Variants in MPRIP observed in about 807,000 individuals in gnomAD.
MPRIP encodes myosin phosphatase Rho interacting protein.
A neutral mutation model predicts 234.9 loss-of-function variants in MPRIP; 59 were observed. That is an observed-to-expected ratio of 0.25 (90% CI 0.20 to 0.31). MPRIP has a LOEUF of 0.31. Ranked by LOEUF, MPRIP falls within the 10% of genes least tolerant of loss-of-function variation. The probability of loss-of-function intolerance (pLI) is 1.00; values close to 1 mark genes in which losing one functional copy is unlikely to be tolerated. For synonymous variants in MPRIP, 1,144 were observed against 1,263.9 expected, an observed-to-expected ratio of 0.91 and a Z score of 2.01; for missense variants, 2,436 against 3,071.0, an observed-to-expected ratio of 0.79 and a Z score of 4.89.
intron 3 of MPRIP, among the ~76,000 whole-genome samples, chr17:17,113,142 G>A (rs2090207389): frequency 6.6e-6 from 1 of 152,180 alleles, no homozygotes; most frequent in Non-Finnish European, 1.5e-5. Context: ...CTGCCCTGCA[G>A]TCTCTTCTTC....
chr17:17,191,506 C>T lies in MPRIP; in HGVS notation c.*6612C>T, dbSNP rs1050102277. 6.6e-6 allele frequency: 1 copy of T among 152,206 alleles called. No homozygotes were observed. The highest frequency in any genetic ancestry group is 2.4e-5 in the African/African-American group (1 of 41,448). The allele number at this position is 152,206 out of a possible 1,614,324, so 9.4% of individuals were successfully genotyped here. A position where few individuals can be genotyped will look rare whatever the true frequency, so the allele number is the denominator to read the frequency against. On this transcript the variant is annotated 3_prime_UTR_variant, in exon 24 of 24. Transcript: ENST00000651222. The stretch of plus-strand genomic sequence containing the variant: ...TCAGATTGGTAAGGAAACACTGAGT[C>T]ACAGAATACTTAAGAATTGGAGACT...
At chr17:17,110,890 T>C (rs1231743576) in intron 3 of MPRIP, among the ~76,000 whole-genome samples, 1 of 152,002 alleles carries the variant, frequency 6.6e-6, no homozygotes, top group Non-Finnish European at 1.5e-5. Flanking sequence ...TGATGTGGGG[T>C]CCTGAGTGGG....
At chr17:17,049,782 G>A (rs1339411334) in intron 1 of MPRIP, among the ~76,000 whole-genome samples, 5 of 152,166 alleles carry the variant, frequency 3.3e-5, no homozygotes, top group Admixed American at 1.3e-4. Context: ...GCAGCTGGTG[G>A]GCCAATTTGG....
intron 7 of MPRIP, among the ~76,000 whole-genome samples, chr17:17,139,456 A>G (rs2090768959): frequency 6.6e-6 from 1 of 152,204 alleles, no homozygotes; most frequent in African/African-American, 2.4e-5. Context: ...CATAGTTTTC[A>G]TTAGGTTCCC....
At chr17:17,100,604 G>A (rs1289892014) in intron 3 of MPRIP, among the ~76,000 whole-genome samples, 2 of 152,032 alleles carry the variant, frequency 1.3e-5, no homozygotes, top group East Asian at 1.9e-4. Flanking sequence ...TCATAGGAGC[G>A]TGAAGCCAGT....
chr17:17,111,227 A>G (rs2090164697), intron 3 of MPRIP, among the ~76,000 whole-genome samples: 2 of 1,994 alleles, frequency 1.0e-3, no homozygotes, highest in East Asian at 8.3e-3. Context: ...GGTAGTCCCA[A>G]AAAAAAAAAA....
intron 1 of MPRIP, among the ~76,000 whole-genome samples, chr17:17,046,926 C>G (rs1271677952): frequency 2.6e-5 from 4 of 152,168 alleles, no homozygotes; most frequent in Non-Finnish European, 5.9e-5. Flanking sequence ...GCCTGTAATC[C>G]CAGCACTTAG....
At chr17:17,175,220 C>A in intron 19 of MPRIP, 73 bp from the exon 20 acceptor site, 1 of 1,606,798 alleles carries the variant, frequency 6.2e-7, no homozygotes, top group Non-Finnish European at 8.5e-7. Flanking sequence ...AGGGAAATGG[C>A]CTTCCCGGGT....
At chr17:17,060,801 C>G (rs145713740) in intron 1 of MPRIP, among the ~76,000 whole-genome samples, 1 of 152,314 alleles carries the variant, frequency 6.6e-6, no homozygotes, top group Non-Finnish European at 1.5e-5. Flanking sequence ...AGTATCTGCA[C>G]AGTGGCTGGC....
At chr17:17,103,029 AAGACTC>A (rs2089994828) in intron 3 of MPRIP, among the ~76,000 whole-genome samples, 1 of 152,148 alleles carries the variant, frequency 6.6e-6, no homozygotes, top group South Asian at 2.1e-4. Context: ...TGGGGGTTGG[AAGACTC>A]ATGTGTGCCA....
chr17:17,168,641 A>G (rs747331305), intron 16 of MPRIP: 13 of 352,164 alleles, frequency 3.7e-5, no homozygotes, highest in Non-Finnish European at 5.6e-5. Context: ...GTCTGGCCCC[A>G]CCCTTTGTAG....
At chr17:17,157,880 A>AG (rs1236939184) in intron 13 of MPRIP, among the ~76,000 whole-genome samples, 1 of 152,076 alleles carries the variant, frequency 6.6e-6, no homozygotes, top group Non-Finnish European at 1.5e-5. Context: ...GCTTATTAAA[A>AG]GGTAAGCCCT....
At chr17:17,086,295 G>A (rs983200537) in intron 3 of MPRIP, among the ~76,000 whole-genome samples, 2 of 152,180 alleles carry the variant, frequency 1.3e-5, no homozygotes, top group Non-Finnish European at 2.9e-5. Context: ...TTCTTCCAGG[G>A]TGTTGAGGAT....
At position 17,167,837 on chromosome 17, in the gene MPRIP, G is replaced by C; in HGVS notation, c.6246G>C (p.Glu2082Asp). The C allele has an allele frequency of 7.7e-7, 1 of 1,304,288 alleles. No homozygotes were observed. Among genetic ancestry groups the C allele is most frequent in the South Asian group, 1.2e-5 (1 of 81,036 alleles). The allele number at this position is 1,304,288 out of a possible 1,614,324, so 80.8% of individuals were successfully genotyped here. A position where few individuals can be genotyped will look rare whatever the true frequency, so the allele number is the denominator to read the frequency against. ...ELEAQMDVMR[E>D]ELGHKDLEGD... ...AGGCCCAGATGGATGTCATGCGGGAGGAGCTGGGACACAAGGACCTGGAGG... is the reference window on the plus strand; with the variant it reads ...AGGCCCAGATGGATGTCATGCGGGACGAGCTGGGACACAAGGACCTGGAGG... Residue 2082 changes from glutamate to aspartate, a missense_variant, in exon 16 of 24, where the codon GAG (glutamate) becomes GAC (aspartate). Physicochemically the swap from Glu to Asp is conservative, Grantham distance 45. Coordinates refer to ENST00000651222, the MANE Select transcript of MPRIP (RefSeq NM_001364716.4). This position sits in a 1 kb window ranked among gnomAD's most constrained non-coding sequence, Gnocchi z 5.9.
At chr17:17,043,176 C>T (rs1458505544) in intron 1 of MPRIP, among the ~76,000 whole-genome samples, 1 of 152,204 alleles carries the variant, frequency 6.6e-6, no homozygotes, top group African/African-American at 2.4e-5. Flanking sequence ...CATCCTTTCC[C>T]GTTCCCATTG....
chr17:17,170,501 A>C (rs1447134487), intron 16 of MPRIP, among the ~76,000 whole-genome samples: 1 of 152,216 alleles, frequency 6.6e-6, no homozygotes, highest in East Asian at 1.9e-4. Flanking sequence ...CGAGTTTGGA[A>C]ATACTGCCTG....
chr17:17,124,486 G>A (rs548903484), intron 3 of MPRIP, among the ~76,000 whole-genome samples: 35 of 152,324 alleles, frequency 2.3e-4, no homozygotes, highest in African/African-American at 7.9e-4. Flanking sequence ...TGTACTGTCA[G>A]CAGTTTGAGA....
In MPRIP at chr17:17,165,121, A is replaced by G. The variant is rs1353511651; in HGVS notation, c.3530A>G (p.His1177Arg). The change falls in exon 16 of 24, where the codon CAT (histidine) becomes CGT (arginine). Residue 1177 changes from histidine (H) to arginine (R), a missense_variant. Coordinates refer to ENST00000651222, the MANE Select transcript of MPRIP (RefSeq NM_001364716.4). Reference sequence around the variant, plus strand: ...GAGCTGGAGCGCATTAAGGAAGCACATGAGAAGGTTCTGGAGAAGAAGGAG... The same window carrying G: ...GAGCTGGAGCGCATTAAGGAAGCACGTGAGAAGGTTCTGGAGAAGAAGGAG... ...EEELERIKEA[H>R]EKVLEKKEQD... 3 of 1,304,134 alleles carry G rather than the reference A, an allele frequency of 2.3e-6. No individual in the cohort carries two copies. Among genetic ancestry groups the G allele is most frequent in the African/African-American group, 1.5e-5 (1 of 65,878 alleles). 80.8% of individuals were successfully genotyped at this position (1,304,134 alleles called of 1,614,324 possible). A position where few individuals can be genotyped will look rare whatever the true frequency, so the allele number is the denominator to read the frequency against.
chr17:17,142,689 C>A lies in MPRIP; in HGVS notation c.1313C>A (p.Thr438Asn). Residue 438 changes from threonine (T) to asparagine (N), a missense_variant, in exon 8 of 24, where the codon ACC becomes AAC. This residue lies in a region of MPRIP where 267 missense variants were observed against 252.7 expected (regional missense o/e 1.06). Transcript: ENST00000651222. The part of the protein sequence containing the change: ...LDIEKAEHME[T>N]NAVGPSPSSD... ...ATTGAGAAGGCAGAGCACATGGAGA[C>A]CAATGCAGTGGGGCCCTCACCATCC... 1 of 1,612,204 alleles carries A rather than the reference C, an allele frequency of 6.2e-7. No homozygotes were observed. Among genetic ancestry groups the A allele is most frequent in the Non-Finnish European group, 8.5e-7 (1 of 1,179,988 alleles).
Sources: allele counts gnomAD v4.1 joint callset (sites outside exome capture counted in the v4.1 genomes callset), GRCh38; gene constraint gnomAD v4.1.1; regional missense constraint gnomAD v4.1.1; non-coding constraint Gnocchi (gnomAD v3.1); transcripts MANE v1.5; gene names NCBI Gene and HGNC (gene_info 2026-07-23, HGNC 2026-07-21).